Variants in TGFBR1 observed in about 807,000 individuals in gnomAD.
TGFBR1 encodes TGF-beta receptor type-1.
TGFBR1 carries 20 observed loss-of-function variants against 55.1 expected under a neutral mutation model. The ratio of observed to expected loss-of-function variants is 0.36; its 90% CI spans 0.26 to 0.53. The LOEUF (loss-of-function observed/expected upper bound fraction) is 0.53, where lower values mean the gene tolerates loss of function less well. TGFBR1 is among the 20% of genes least tolerant of loss of function. The probability of loss-of-function intolerance (pLI) is 0.91; values close to 1 mark genes in which losing one functional copy is unlikely to be tolerated. For missense variants in TGFBR1, 385 were observed against 617.6 expected (o/e 0.62, Z 3.99); for synonymous variants, 220 against 214.8 (o/e 1.02, Z -0.21).
chr9:99,137,270 G>A (rs962743644), intron 3 of TGFBR1, among the ~76,000 whole-genome samples: 4 of 152,186 alleles, frequency 2.6e-5, no homozygotes, highest in Middle Eastern at 6.8e-3. Flanking sequence ...GTGTTTCTGC[G>A]TTCACATCCT....
At position 99,151,205 on chromosome 9, in the gene TGFBR1, AC is replaced by A; in HGVS notation, c.*1901del. On this transcript the variant is annotated 3_prime_UTR_variant, in exon 9 of 9. Transcript: ENST00000374994. ...TAGTGTCAATTTCATGTGTTTAAAA[AC>A]ATCATGGGAAAAATGCTTAGAGGTT... 4.3e-6 allele frequency: 1 copy of A among 231,174 alleles called. No homozygotes were observed. The highest frequency in any genetic ancestry group is 6.2e-5 in the East Asian group (1 of 16,244). 14.3% of individuals were successfully genotyped at this position (231,174 alleles called of 1,614,324 possible). A position where few individuals can be genotyped will look rare whatever the true frequency, so the allele number is the denominator to read the frequency against.
In TGFBR1 at chr9:99,149,533, T is replaced by C. The variant is rs1253635681; in HGVS notation, c.*228T>C. Reference sequence around the variant, plus strand: ...AACGCTTCTTTCCCAGGACAGAAAATGTGTAGTCTACCTTTATTTTTTATT... The same window carrying C: ...AACGCTTCTTTCCCAGGACAGAAAACGTGTAGTCTACCTTTATTTTTTATT... On this transcript the variant is annotated 3_prime_UTR_variant, in exon 9 of 9. Coordinates refer to ENST00000374994, the MANE Select transcript of TGFBR1 (RefSeq NM_004612.4). The C allele has an allele frequency of 3.1e-5, 16 of 522,572 alleles. No individual in the cohort carries two copies. Among genetic ancestry groups the C allele is most frequent in the Non-Finnish European group, 3.4e-5 (10 of 292,970 alleles). 32.4% of individuals were successfully genotyped at this position (522,572 alleles called of 1,614,324 possible).
At chr9:99,116,837 T>C (rs1315880281) in intron 1 of TGFBR1, among the ~76,000 whole-genome samples, 1 of 152,198 alleles carries the variant, frequency 6.6e-6, no homozygotes, top group Non-Finnish European at 1.5e-5. Flanking sequence ...ATACACATAG[T>C]TTAGTCTCAA....
At chr9:99,112,510 C>A (rs1438919587) in intron 1 of TGFBR1, among the ~76,000 whole-genome samples, 1 of 152,164 alleles carries the variant, frequency 6.6e-6, no homozygotes, top group East Asian at 1.9e-4. Flanking sequence ...TTATTGTCTC[C>A]TTCCTATCAT....
intron 2 of TGFBR1, among the ~76,000 whole-genome samples, chr9:99,132,241 T>C (rs1827252937): frequency 6.6e-6 from 1 of 152,136 alleles, no homozygotes; most frequent in Non-Finnish European, 1.5e-5. Context: ...CCTATGATAT[T>C]GGCGGCAGTT....
At chr9:99,125,621 C>G (rs1325736920) in intron 1 of TGFBR1, among the ~76,000 whole-genome samples, 2 of 152,058 alleles carry the variant, frequency 1.3e-5, no homozygotes, top group Non-Finnish European at 2.9e-5. Context: ...TTTACAATGA[C>G]CATGAAACTT....
intron 8 of TGFBR1, 137 bp downstream of exon 8, chr9:99,147,921 C>T: frequency 9.4e-7 from 1 of 1,064,958 alleles, no homozygotes; most frequent in Non-Finnish European, 1.4e-6. Flanking sequence ...TGTTTAAAAA[C>T]AGAATAATTT....
intron 1 of TGFBR1, among the ~76,000 whole-genome samples, chr9:99,108,116 G>A (rs1483332142): frequency 6.6e-6 from 1 of 152,150 alleles, no homozygotes; most frequent in African/African-American, 2.4e-5. Flanking sequence ...AATGCTTGTT[G>A]ATTTCTATTT....
intron 3 of TGFBR1, among the ~76,000 whole-genome samples, chr9:99,135,164 C>T (rs942150815): frequency 1.3e-5 from 2 of 152,104 alleles, no homozygotes; most frequent in Non-Finnish European, 2.9e-5. Flanking sequence ...ATCTAACATA[C>T]AGTATCAGTT....
chr9:99,124,166 G>C (rs944763438), intron 1 of TGFBR1, among the ~76,000 whole-genome samples: 2 of 152,084 alleles, frequency 1.3e-5, no homozygotes, highest in African/African-American at 4.8e-5. Flanking sequence ...TGCTGGTGAA[G>C]CTTTTCTTGA....
intron 1 of TGFBR1, among the ~76,000 whole-genome samples, chr9:99,110,092 G>T (rs1040149037): frequency 6.6e-6 from 1 of 152,088 alleles, no homozygotes; most frequent in African/African-American, 2.4e-5. Flanking sequence ...AAGAAAATTG[G>T]TTGGTAGACT....
chr9:99,107,212 C>G (rs748832110), intron 1 of TGFBR1, among the ~76,000 whole-genome samples: 1 of 152,184 alleles, frequency 6.6e-6, no homozygotes, highest in Admixed American at 6.5e-5. Flanking sequence ...TGTCTGCCTC[C>G]CCTGTTGGTT....
intron 1 of TGFBR1, among the ~76,000 whole-genome samples, chr9:99,111,380 G>A (rs1826573296): frequency 7.6e-6 from 1 of 131,700 alleles, no homozygotes; most frequent in African/African-American, 2.9e-5. Flanking sequence ...TGTAATCCCA[G>A]CACTTTGGGA....
chr9:99,147,551 T>C, intron 7 of TGFBR1, 103 bp from the exon 8 acceptor site: 1 of 1,107,054 alleles, frequency 9.0e-7, no homozygotes, highest in Non-Finnish European at 1.3e-6. Flanking sequence ...ACATACCTAC[T>C]TTAGTAATGA....
At chr9:99,132,058 TTTTGATA>T (rs1234451980) in intron 2 of TGFBR1, among the ~76,000 whole-genome samples, 1 of 152,038 alleles carries the variant, frequency 6.6e-6, no homozygotes, top group Non-Finnish European at 1.5e-5. Context: ...TTTTCGCTTG[TTTTGATA>T]TTTTGTTGTT....
intron 8 of TGFBR1, among the ~76,000 whole-genome samples, chr9:99,148,749 T>C (rs1431573712): frequency 6.6e-6 from 1 of 151,910 alleles, no homozygotes; most frequent in Non-Finnish European, 1.5e-5. Context: ...GGAGGATTGC[T>C]GGAGCCTGGG....
At chr9:99,109,881 G>A (rs10760670) in intron 1 of TGFBR1, among the ~76,000 whole-genome samples, 37,360 of 152,112 alleles carry the variant, frequency 0.25, 4,883 homozygotes, top group East Asian at 0.47. Flanking sequence ...AGTCTTCTCA[G>A]AATTTATGGT....
intron 6 of TGFBR1, among the ~76,000 whole-genome samples, chr9:99,145,109 G>A (rs1384331765): frequency 6.6e-6 from 1 of 152,166 alleles, no homozygotes; most frequent in Admixed American, 6.5e-5. Context: ...AATATCATTA[G>A]GCATGTTAAT....
At chr9:99,125,677 C>T (rs1209134107) in intron 1 of TGFBR1, among the ~76,000 whole-genome samples, 1 of 152,190 alleles carries the variant, frequency 6.6e-6, no homozygotes, top group Non-Finnish European at 1.5e-5. Context: ...TGAAGGGGAT[C>T]TTCACACAGC....
Sources: gnomAD v4.1 joint callset for allele counts (sites outside exome capture counted in the v4.1 genomes callset) on GRCh38, gnomAD v4.1.1 for gene constraint, MANE v1.5 for transcripts, NCBI Gene and HGNC (gene_info 2026-07-23, HGNC 2026-07-21) for gene names.